PPP1R37: variants seen among roughly 807,000 people sequenced by gnomAD.
PPP1R37 encodes the protein leucine rich repeat containing 68.
A neutral mutation model predicts 61.0 loss-of-function variants in PPP1R37; 21 were observed. That is an observed-to-expected ratio of 0.34 (90% CI 0.24 to 0.50). The LOEUF (loss-of-function observed/expected upper bound fraction) is 0.50, where lower values mean the gene tolerates loss of function less well. Ranked by LOEUF, PPP1R37 falls within the 20% of genes least tolerant of loss-of-function variation. The pLI is 0.98. For missense variants in PPP1R37, 910 were observed against 952.7 expected (o/e 0.96, Z 0.59); for synonymous variants, 443 against 433.5 (o/e 1.02, Z -0.27).
At chr19:45,134,673 C>T (rs1968517275) in intron 1 of PPP1R37, among the ~76,000 whole-genome samples, 2 of 151,864 alleles carry the variant, frequency 1.3e-5, no homozygotes, top group Non-Finnish European at 2.9e-5. Context: ...CTTGAGAGTG[C>T]CTCAGCCTCC....
rs1426951861 is a variant in PPP1R37, at chr19:45,112,686, C to T, written c.202+19159C>T. On this transcript the variant is annotated intron_variant, in intron 1 of 12. Coordinates refer to ENST00000221462, the MANE Select transcript of PPP1R37 (RefSeq NM_019121.2). ...GGGGTTTCCTTTGCCCCAGCTCTAC[C>T]TACTCTGGCTTGTCACTGTCTAGGG... 6.6e-5 allele frequency among the ~76,000 whole-genome samples: 10 copies of T among 152,180 alleles called. No homozygotes were observed. In the East Asian group the frequency reaches 1.7e-3, roughly 26 times the overall value.
intron 1 of PPP1R37, chr19:45,128,889 T>C (rs1461218491): frequency 3.0e-6 from 2 of 662,500 alleles, no homozygotes; most frequent in Non-Finnish European, 5.6e-6. Context: ...AGCAGGGAGG[T>C]GCGAGAGGAC....
In PPP1R37 at chr19:45,093,245, G is replaced by A. The variant is rs998358951; in HGVS notation, c.-81G>A. On this transcript the variant is annotated 5_prime_UTR_variant, in exon 1 of 13. Transcript: ENST00000221462. ...GAAGCGGCGGCGGAGCCCATGCCCC[G>A]GGACGGCGGGCGGACCCGGAGAGAC... 2 of 1,165,240 alleles carry A rather than the reference G, an allele frequency of 1.7e-6. No individual in the cohort carries two copies. Among genetic ancestry groups the A allele is most frequent in the Non-Finnish European group, 1.1e-6 (1 of 898,378 alleles). 72.2% of individuals were successfully genotyped at this position (1,165,240 alleles called of 1,614,324 possible).
intron 1 of PPP1R37, among the ~76,000 whole-genome samples, chr19:45,119,636 C>T (rs1158647294): frequency 6.6e-6 from 1 of 152,210 alleles, no homozygotes; most frequent in Non-Finnish European, 1.5e-5. Context: ...ATCATTTTAC[C>T]TATACATTGC....
rs145944234 is a variant in PPP1R37, at chr19:45,115,665, G to A, written c.202+22138G>A. Among the ~76,000 whole-genome samples, 347 of 152,252 alleles carry A rather than the reference G, an allele frequency of 2.3e-3. 2 individuals are homozygous for A. Among genetic ancestry groups the A allele is most frequent in the African/African-American group, 7.4e-3 (308 of 41,558 alleles). On this transcript the variant is annotated intron_variant, in intron 1 of 12. Coordinates refer to ENST00000221462, the MANE Select transcript of PPP1R37 (RefSeq NM_019121.2). The stretch of plus-strand genomic sequence containing the variant: ...TATATGTAAGTGCTTGCCATTGCTC[G>A]TAAAAATTATTTATCGTTAAAAGTT...
At chr19:45,141,938 G>A (rs975536645) in intron 5 of PPP1R37, 123 bp from the exon 6 acceptor site, 5 of 1,088,972 alleles carry the variant, frequency 4.6e-6, no homozygotes, top group African/African-American at 3.2e-5. Flanking sequence ...CTGTGGCTTC[G>A]TTGCTCATTG....
intron 1 of PPP1R37, among the ~76,000 whole-genome samples, chr19:45,114,166 C>G (rs1216257343): frequency 6.6e-6 from 1 of 152,222 alleles, no homozygotes; most frequent in Admixed American, 6.5e-5. Flanking sequence ...CATGAAGGGT[C>G]GAGAGCCATT....
chr19:45,134,226 A>G (rs1968511603), intron 1 of PPP1R37, among the ~76,000 whole-genome samples: 1 of 151,892 alleles, frequency 6.6e-6, no homozygotes, highest in Non-Finnish European at 1.5e-5. Flanking sequence ...CTGGTCTCAA[A>G]CTCTTGGCCT....
chr19:45,137,241 A>C (rs1414250807), intron 1 of PPP1R37, among the ~76,000 whole-genome samples: 1 of 152,192 alleles, frequency 6.6e-6, no homozygotes, highest in Non-Finnish European at 1.5e-5. Flanking sequence ...ATAGCCAAAA[A>C]CTGGAAACAG....
At chr19:45,129,090 C>T (rs560362020) in intron 1 of PPP1R37, 1 of 602,404 alleles carries the variant, frequency 1.7e-6, no homozygotes, top group South Asian at 1.5e-5. Context: ...CAGAGGCCCC[C>T]TCCTCTGGCC....
rs118184329 is a variant in PPP1R37 at position 45,138,649 on chromosome 19, G to A, written c.300+38G>A. 5,615 of 1,446,852 alleles carry A rather than the reference G, an allele frequency of 3.9e-3. 29 individuals are homozygous for A. The highest frequency in any genetic ancestry group is 0.031 in the Middle Eastern group (159 of 5,156). 89.6% of individuals were successfully genotyped at this position (1,446,852 alleles called of 1,614,324 possible). A position where few individuals can be genotyped will look rare whatever the true frequency, so the allele number is the denominator to read the frequency against. On this transcript the variant is annotated intron_variant, in intron 2 of 12. Transcript: ENST00000221462. ...CAGGGTGGGTGCGTCCGGTGTGGGTGTCAAGGGGGGCCCTAGGGTGGAACC... is the reference window on the plus strand; with the variant it reads ...CAGGGTGGGTGCGTCCGGTGTGGGTATCAAGGGGGGCCCTAGGGTGGAACC...
At chr19:45,133,163 C>T (rs1968499426) in intron 1 of PPP1R37, among the ~76,000 whole-genome samples, 1 of 152,036 alleles carries the variant, frequency 6.6e-6, no homozygotes, top group Non-Finnish European at 1.5e-5. Context: ...CCACAACCTC[C>T]ACCTCCACCT....
rs965156377 is a variant in PPP1R37, at chr19:45,138,508, C to T, written c.203-6C>T. 18 of 1,534,922 alleles carry T rather than the reference C, an allele frequency of 1.2e-5. No individual in the cohort carries two copies. Among genetic ancestry groups the T allele is most frequent in the Non-Finnish European group, 1.5e-5 (17 of 1,146,042 alleles). On this transcript the variant is annotated splice_region_variant and splice_polypyrimidine_tract_variant and intron_variant, in intron 1 of 12. Transcript: ENST00000221462. ...AGTCACAGGCCTGGGTCCCCTGTGC[C>T]TGCAGCCCAGAATGTGACCGTGGAC... is the stretch of plus-strand genomic sequence containing the variant.
chr19:45,104,916 G>A (rs1372558869), intron 1 of PPP1R37, among the ~76,000 whole-genome samples: 1 of 152,174 alleles, frequency 6.6e-6, no homozygotes, highest in Admixed American at 6.5e-5. Flanking sequence ...TCTTTCAGGT[G>A]CCAGCAAACC....
At chr19:45,143,370 G>A in intron 7 of PPP1R37, 151 bp from the exon 8 acceptor site, 2 of 572,684 alleles carry the variant, frequency 3.5e-6, no homozygotes, top group Non-Finnish European at 3.1e-6. Flanking sequence ...GTGCCCAGGG[G>A]TGCCAGGCCG....
chr19:45,107,215 G>T (rs1474254356), intron 1 of PPP1R37, among the ~76,000 whole-genome samples: 1 of 151,852 alleles, frequency 6.6e-6, no homozygotes, highest in Non-Finnish European at 1.5e-5. Flanking sequence ...TGAGCCAGCC[G>T]GGCACAGTGA....
At chr19:45,140,212 C>G in intron 2 of PPP1R37, 24 bp from the exon 3 acceptor site, 1 of 1,534,660 alleles carries the variant, frequency 6.5e-7, no homozygotes, top group Non-Finnish European at 8.7e-7. Flanking sequence ...GTCTTCCTGC[C>G]TTAACCCCAC....
intron 1 of PPP1R37, among the ~76,000 whole-genome samples, chr19:45,105,199 A>G (rs1236740125): frequency 6.6e-6 from 1 of 152,156 alleles, no homozygotes; most frequent in Non-Finnish European, 1.5e-5. Context: ...ACCCTAGCAT[A>G]GTCCCTGGTC....
intron 1 of PPP1R37, among the ~76,000 whole-genome samples, chr19:45,113,484 T>C (rs1968226628): frequency 6.6e-6 from 1 of 152,210 alleles, no homozygotes; most frequent in African/African-American, 2.4e-5. Flanking sequence ...AGCTAGTCAG[T>C]GGCAAATCTG....
Sources: gnomAD v4.1 joint callset for allele counts (sites outside exome capture counted in the v4.1 genomes callset) on GRCh38, gnomAD v4.1.1 for gene constraint, MANE v1.5 for transcripts, NCBI Gene and HGNC (gene_info 2026-07-23, HGNC 2026-07-21) for gene names.